ATP6V1C2: variants seen among roughly 807,000 people sequenced by gnomAD.
ATP6V1C2 encodes ATPase H+ transporting V1 subunit C2, also known as V-type proton ATPase subunit C 2.
A neutral mutation model predicts 56.8 loss-of-function variants in ATP6V1C2; 45 were observed. That is an observed-to-expected ratio of 0.79 (90% CI 0.62 to 1.02). ATP6V1C2 has a LOEUF of 1.02. Among genes scored for constraint, ATP6V1C2 ranks in the 50% least tolerant of loss-of-function variants. The probability of loss-of-function intolerance (pLI) is 0.00; values close to 1 mark genes in which losing one functional copy is unlikely to be tolerated. For synonymous variants in ATP6V1C2, 220 were observed against 201.3 expected (o/e 1.09, Z -0.79); for missense variants, 463 against 519.7 (o/e 0.89, Z 1.06).
At chr2:10,779,914 C>T (rs1665244476) in intron 12 of ATP6V1C2, among the ~76,000 whole-genome samples, 1 of 152,112 alleles carries the variant, frequency 6.6e-6, no homozygotes, top group East Asian at 1.9e-4. Context: ...TCGAAGGCCG[C>T]TTTTCTGCCC....
At chr2:10,728,033 A>C (rs1661744764) in intron 3 of ATP6V1C2, among the ~76,000 whole-genome samples, 1 of 152,190 alleles carries the variant, frequency 6.6e-6, no homozygotes, top group South Asian at 2.1e-4. Context: ...CAATACATGC[A>C]CAAATAAATA....
At chr2:10,741,849 G>A (rs953121813) in intron 3 of ATP6V1C2, among the ~76,000 whole-genome samples, 23 of 151,764 alleles carry the variant, frequency 1.5e-4, no homozygotes, top group African/African-American at 4.6e-4. Context: ...ACCTGGTTGC[G>A]CTCTTCCCAG....
At position 10,784,377 on chromosome 2, in the gene ATP6V1C2, G is replaced by A. The variant is rs1665594316; in HGVS notation, c.*1114G>A. ...TAGATCTGCAGAAGGGGACACCCTG[G>A]AAGGTCAACATCTCATTTTATGGAA... On this transcript the variant is annotated 3_prime_UTR_variant, in exon 14 of 14. Coordinates refer to ENST00000272238, the MANE Select transcript of ATP6V1C2 (RefSeq NM_001039362.2). The A allele has an allele frequency of 6.9e-7, 1 of 1,444,916 alleles. No individual in the cohort carries two copies. Among genetic ancestry groups the A allele is most frequent in the Non-Finnish European group, 9.6e-7 (1 of 1,037,542 alleles). The allele number at this position is 1,444,916 out of a possible 1,614,324, so 89.5% of individuals were successfully genotyped here. A position where few individuals can be genotyped will look rare whatever the true frequency, so the allele number is the denominator to read the frequency against.
At chr2:10,743,005 C>T (rs1662649886) in intron 3 of ATP6V1C2, among the ~76,000 whole-genome samples, 1 of 152,226 alleles carries the variant, frequency 6.6e-6, no homozygotes, top group Admixed American at 6.5e-5. Context: ...TACCCAATTT[C>T]TTCCCTTGGG....
At chr2:10,758,095 T>A (rs1663661992) in intron 4 of ATP6V1C2, among the ~76,000 whole-genome samples, 1 of 152,226 alleles carries the variant, frequency 6.6e-6, no homozygotes, top group African/African-American at 2.4e-5. Flanking sequence ...TTTTTGCTGA[T>A]GCTAAGAAAA....
intron 2 of ATP6V1C2, among the ~76,000 whole-genome samples, chr2:10,725,829 C>T (rs1661609629): frequency 6.6e-6 from 1 of 151,616 alleles, no homozygotes; most frequent in South Asian, 2.1e-4. Flanking sequence ...CCTGTAATTC[C>T]AGCACTTTGG....
At chr2:10,746,340 GTTAT>G (rs752415304) in intron 3 of ATP6V1C2, among the ~76,000 whole-genome samples, 33 of 151,006 alleles carry the variant, frequency 2.2e-4, no homozygotes, top group Non-Finnish European at 2.2e-4. Flanking sequence ...ATTTTTATTA[GTTAT>G]TTATTATTTA....
intron 3 of ATP6V1C2, among the ~76,000 whole-genome samples, chr2:10,753,532 A>ATT (rs540952695): frequency 8.0e-5 from 11 of 136,958 alleles, no homozygotes; most frequent in South Asian, 4.7e-4. Flanking sequence ...GGCTATTAGC[A>ATT]TTTTTTTTTT....
chr2:10,731,149 A>G (rs950715106), intron 3 of ATP6V1C2, among the ~76,000 whole-genome samples: 1 of 151,830 alleles, frequency 6.6e-6, no homozygotes, highest in Non-Finnish European at 1.5e-5. Context: ...AGGTCTTACT[A>G]TATCTCCCAG....
intron 4 of ATP6V1C2, among the ~76,000 whole-genome samples, chr2:10,757,701 C>T (rs1021788156): frequency 2.0e-5 from 3 of 152,222 alleles, no homozygotes; most frequent in Admixed American, 6.5e-5. Context: ...AAGCTGGGAA[C>T]GCTTTGACCT....
rs974538981 is a variant in ATP6V1C2 at position 10,784,784 on chromosome 2, G to A, written c.*1521G>A. ...TTAAACTTGTGATAAGGAAGATGAA[G>A]GGTCTTCAGAGAAGAACCTCTTAAA... is the stretch of plus-strand genomic sequence containing the variant. On this transcript the variant is annotated 3_prime_UTR_variant, in exon 14 of 14. Transcript: ENST00000272238. The A allele has an allele frequency of 1.0e-5, 6 of 600,294 alleles. No homozygotes were observed. The highest frequency in any genetic ancestry group is 1.8e-5 in the Non-Finnish European group (6 of 336,686). The allele number at this position is 600,294 out of a possible 1,614,324, so 37.2% of individuals were successfully genotyped here. A position where few individuals can be genotyped will look rare whatever the true frequency, so the allele number is the denominator to read the frequency against.
intron 3 of ATP6V1C2, chr2:10,744,059 G>T (rs1662722877): frequency 6.6e-6 from 1 of 151,984 alleles, no homozygotes; most frequent in Non-Finnish European, 1.5e-5. Flanking sequence ...GTGTGTGCCT[G>T]CAGTCCCAGC....
rs1223185183 is a variant in ATP6V1C2 at position 10,784,942 on chromosome 2, C to T, written c.*1679C>T. On this transcript the variant is annotated 3_prime_UTR_variant, in exon 14 of 14. Coordinates refer to ENST00000272238, the MANE Select transcript of ATP6V1C2 (RefSeq NM_001039362.2). ...CCCTCCCGGGCACTCACCTCGCCATCCCTGCCGTCCCAAGGCTCTCTCTCA... is the reference window on the plus strand; with the variant it reads ...CCCTCCCGGGCACTCACCTCGCCATTCCTGCCGTCCCAAGGCTCTCTCTCA... The T allele has an allele frequency of 3.2e-6, 5 of 1,582,930 alleles. No individual in the cohort carries two copies. Among genetic ancestry groups the T allele is most frequent in the East Asian group, 2.3e-5 (1 of 43,578 alleles).
At chr2:10,728,920 C>G (rs757461618) in intron 3 of ATP6V1C2, among the ~76,000 whole-genome samples, 3 of 142,414 alleles carry the variant, frequency 2.1e-5, no homozygotes, top group Non-Finnish European at 4.5e-5. Context: ...AGGTGGATCA[C>G]GAGGTGAAGA....
At chr2:10,751,825 T>A (rs997825768) in intron 3 of ATP6V1C2, among the ~76,000 whole-genome samples, 3 of 152,190 alleles carry the variant, frequency 2.0e-5, no homozygotes, top group Non-Finnish European at 2.9e-5. Flanking sequence ...TAACTCTGTC[T>A]GGCTGGGCGC....
intron 3 of ATP6V1C2, among the ~76,000 whole-genome samples, chr2:10,750,381 G>T (rs1413664549): frequency 6.6e-6 from 1 of 152,052 alleles, no homozygotes; most frequent in Non-Finnish European, 1.5e-5. Flanking sequence ...GCAGGGCATG[G>T]TGACGGGTGC....
rs755236077 is a variant in ATP6V1C2, at chr2:10,785,004, G to A, written c.*1741G>A. 1.3e-5 allele frequency: 21 copies of A among 1,583,032 alleles called. No individual in the cohort carries two copies. Among genetic ancestry groups the A allele is most frequent in the Admixed American group, 8.9e-5 (5 of 56,380 alleles). On this transcript the variant is annotated 3_prime_UTR_variant, in exon 14 of 14. Coordinates refer to ENST00000272238, the MANE Select transcript of ATP6V1C2 (RefSeq NM_001039362.2). Reference sequence around the variant, plus strand: ...GAAAGCCCCGCCTCCTACAGGTGCCGTGGAGCCACGCCCAAAAGAGAGCTC... The same window carrying A: ...GAAAGCCCCGCCTCCTACAGGTGCCATGGAGCCACGCCCAAAAGAGAGCTC...
At chr2:10,721,281 T>C (rs1163275267), upstream of ATP6V1C2, among the ~76,000 whole-genome samples, 1 of 151,396 alleles carries the variant, frequency 6.6e-6, no homozygotes, top group Non-Finnish European at 1.5e-5. Flanking sequence ...CAAGCGGGGC[T>C]GCGGCGGCCG....
intron 7 of ATP6V1C2, among the ~76,000 whole-genome samples, chr2:10,772,285 C>A (rs986039695): frequency 6.6e-6 from 1 of 152,124 alleles, no homozygotes; most frequent in African/African-American, 2.4e-5. Context: ...CACACGGGGC[C>A]CGGATTAGAT....
Sources: allele counts gnomAD v4.1 joint callset (sites outside exome capture counted in the v4.1 genomes callset), GRCh38; gene constraint gnomAD v4.1.1; transcripts MANE v1.5; gene names NCBI Gene and HGNC (gene_info 2026-07-23, HGNC 2026-07-21).